The following UQCRC1 variants were observed in gnomAD, a reference collection of about 807,000 sequenced individuals.
UQCRC1 encodes cytochrome b-c1 complex subunit 1, mitochondrial.
In UQCRC1, 34 loss-of-function variants were observed where a neutral mutation model predicts 58.0. That is an observed-to-expected ratio of 0.59 (90% CI 0.45 to 0.78). UQCRC1 has a LOEUF of 0.78. Among genes scored for constraint, UQCRC1 ranks in the 30% least tolerant of loss-of-function variants. The probability of loss-of-function intolerance (pLI) is 0.00; values close to 1 mark genes in which losing one functional copy is unlikely to be tolerated. For missense variants in UQCRC1, 610 were observed against 646.0 expected, an observed-to-expected ratio of 0.94 and a Z score of 0.60; for synonymous variants, 276 against 248.8, an observed-to-expected ratio of 1.11 and a Z score of -1.03.
intron 6 of UQCRC1, 54 bp from the exon 7 acceptor site, chr3:48,601,521 G>T: frequency 1.3e-6 from 2 of 1,557,020 alleles, no homozygotes; most frequent in East Asian, 2.3e-5. Flanking sequence ...GGCACAGGGT[G>T]GGGCGATTCA....
At chr3:48,603,873 T>C (rs1045845457) in intron 5 of UQCRC1, 43 of 589,526 alleles carry the variant, frequency 7.3e-5, no homozygotes, top group African/African-American at 5.8e-4. Flanking sequence ...GACAGGCTCA[T>C]AGTCTTCTCT....
At position 48,600,084 on chromosome 3, in the gene UQCRC1, A is replaced by G; in HGVS notation, c.1281T>C (p.Ala427=). The change falls in exon 11 of 13, where the codon GCT becomes GCC. Residue 427 remains alanine, a synonymous_variant. Transcript: ENST00000203407. ...TTACCGCAATCCGGCTTTCCCATTC[A>G]GCCAGGGGGATGCGGCGGCCATAGG... is the stretch of plus-strand genomic sequence containing the variant. ...LLTYGRRIPL[A]EWESRIAEVD... 1.2e-6 allele frequency: 2 copies of G among 1,614,162 alleles called. No homozygotes were observed. Among genetic ancestry groups the G allele is most frequent in the South Asian group, 1.1e-5 (1 of 91,092 alleles).
In UQCRC1 at chr3:48,609,631, C is replaced by T. The variant is rs368027290; in HGVS notation, c.-11G>A. The T allele has an allele frequency of 6.4e-7, 1 of 1,560,180 alleles. No homozygotes were observed. On this transcript the variant is annotated 5_prime_UTR_variant, in exon 1 of 13. Coordinates refer to ENST00000203407, the MANE Select transcript of UQCRC1 (RefSeq NM_003365.3). ...CACGGACGCCGCCATCTTCCAGCTG[C>T]AGTCGGCCCTGTTGCGCCGCGCAAG...
chr3:48,600,732 CAA>C lies in UQCRC1; in HGVS notation c.1073_1074del (p.Phe358CysfsTer3). The C allele has an allele frequency of 6.8e-6, 11 of 1,614,178 alleles. No individual in the cohort carries two copies. The highest frequency in any genetic ancestry group is 9.3e-6 in the Non-Finnish European group (11 of 1,180,046). On this transcript the variant is annotated frameshift_variant, in exon 9 of 13. Coordinates refer to ENST00000203407, the MANE Select transcript of UQCRC1 (RefSeq NM_003365.3). LOFTEE classifies it high-confidence loss of function. ...YAETGLLGAH[F>X]VCDRMKIDDM... ...TCATCGATTTTCATTCGGTCACAGA[CAA>C]AGTGTGCACCCAGCAAGCCCGTCTC...
chr3:48,606,324 T>C (rs1310771106), intron 2 of UQCRC1, among the ~76,000 whole-genome samples: 1 of 152,264 alleles, frequency 6.6e-6, no homozygotes, highest in Non-Finnish European at 1.5e-5. Flanking sequence ...GTATATTTTA[T>C]CACACTAAAT....
Position 48,604,331 on chromosome 3 carries a change from A to G in UQCRC1, c.528T>C (p.Asp176=), listed in dbSNP as rs1041686179. The G allele has an allele frequency of 1.9e-6, 3 of 1,614,058 alleles. No individual in the cohort carries two copies. In the African/African-American group the frequency reaches 4.0e-5, roughly 22 times the overall value. The change falls in exon 5 of 13, where the codon GAT becomes GAC. Residue 176 remains aspartate, a synonymous_variant. Coordinates refer to ENST00000203407, the MANE Select transcript of UQCRC1 (RefSeq NM_003365.3). ...TAAAGACCACATCTCGCATAGATGC[A>G]TCATTCTCCTGCATCTCCCGCAGGA... ...DVILREMQEN[D]ASMRDVVFNY...
In UQCRC1 at chr3:48,605,801, G is replaced by A. The variant is rs778473186; in HGVS notation, c.266C>T (p.Ala89Val). ...AGCCAGATGCTCCAAAAAGTAGCCT[G>A]CCCCATTATTCTTCTCAGTCTCAAA... Reference protein sequence around the residue: ...SRFETEKNNGAGYFLEHLAFK... With the variant: ...SRFETEKNNGVGYFLEHLAFK... Residue 89 changes from alanine (A) to valine (V), a missense_variant, in exon 3 of 13, where the codon GCA (alanine) becomes GTA (valine). Coordinates refer to ENST00000203407, the MANE Select transcript of UQCRC1 (RefSeq NM_003365.3). The A allele has an allele frequency of 7.4e-6, 12 of 1,613,620 alleles. No individual in the cohort carries two copies. In the South Asian group the frequency reaches 1.3e-4, roughly 18 times the overall value.
At chr3:48,608,219 C>T (rs142805981) in intron 2 of UQCRC1, among the ~76,000 whole-genome samples, 39 of 152,328 alleles carry the variant, frequency 2.6e-4, no homozygotes, top group Admixed American at 2.5e-3. Context: ...TTTTTTAGCT[C>T]CCACTGATAA....
chr3:48,603,984 C>A, intron 5 of UQCRC1: 1 of 592,788 alleles, frequency 1.7e-6, no homozygotes, highest in South Asian at 2.1e-5. Context: ...AGGGGACACC[C>A]AGACACTTCG....
intron 4 of UQCRC1, 57 bp from the exon 5 acceptor site, chr3:48,604,488 G>T (rs2046394028): frequency 6.3e-7 from 1 of 1,597,466 alleles, no homozygotes; most frequent in Non-Finnish European, 8.6e-7. Flanking sequence ...ACCAACGACA[G>T]CACAAAATCC....
chr3:48,604,107 C>T (rs1381282763), intron 5 of UQCRC1, 126 bp downstream of exon 5: 1 of 1,007,994 alleles, frequency 9.9e-7, no homozygotes, highest in Non-Finnish European at 1.5e-6. Flanking sequence ...GATACAGAAA[C>T]TGTCTCCAGT....
At position 48,600,739 on chromosome 3, in the gene UQCRC1, T is replaced by C. The variant is rs1273079927; in HGVS notation, c.1068A>G (p.Ala356=). ...TTTTCATTCGGTCACAGACAAAGTGTGCACCCAGCAAGCCCGTCTCTGCAT... is the reference window on the plus strand; with the variant it reads ...TTTTCATTCGGTCACAGACAAAGTGCGCACCCAGCAAGCCCGTCTCTGCAT... The part of the protein sequence containing the change: ...ICYAETGLLG[A]HFVCDRMKID... Residue 356 remains alanine (A), a synonymous_variant, in exon 9 of 13, where the codon GCA becomes GCG. Transcript: ENST00000203407. 1.2e-6 allele frequency: 2 copies of C among 1,614,154 alleles called. No homozygotes were observed. Among genetic ancestry groups the C allele is most frequent in the African/African-American group, 1.3e-5 (1 of 75,050 alleles).
At chr3:48,602,208 G>A (rs1303492572) in intron 6 of UQCRC1, among the ~76,000 whole-genome samples, 1 of 152,068 alleles carries the variant, frequency 6.6e-6, no homozygotes, top group Middle Eastern at 3.2e-3. Context: ...CCGCCACCAC[G>A]CCTGGCTAAT....
rs1333552341 is a variant in UQCRC1 at position 48,604,668 on chromosome 3, G to C, written c.410C>G (p.Ser137Cys). ...GGTGTTACCTTTCGGCAGATCCTTGGACAGCGCCTTGATGTAGTAAGCTGT... is the reference window on the plus strand; with the variant it reads ...GGTGTTACCTTTCGGCAGATCCTTGCACAGCGCCTTGATGTAGTAAGCTGT... ...EHTAYYIKAL[S>C]KDLPKAVELL... is the part of the protein sequence containing the mutation. The change falls in exon 4 of 13, where the codon TCC becomes TGC. Residue 137 changes from serine to cysteine, a missense_variant. Ser to Cys is a moderately radical substitution (Grantham distance 112). Transcript: ENST00000203407. 6.2e-7 allele frequency: 1 copy of C among 1,614,142 alleles called. No individual in the cohort carries two copies. Among genetic ancestry groups the C allele is most frequent in the East Asian group, 2.2e-5 (1 of 44,880 alleles).
rs1253801916 is a variant in UQCRC1 at position 48,604,126 on chromosome 3, T to C, written c.626+107A>G. ...CAGAAACTGTCTCCAGTTGCATAAC[T>C]CAGGAAAATAACCCCGACAGCTAGC... On this transcript the variant is annotated intron_variant, in intron 5 of 12. Transcript: ENST00000203407. The C allele has an allele frequency of 2.4e-6, 3 of 1,244,704 alleles. No individual in the cohort carries two copies. In the African/African-American group the frequency reaches 4.5e-5, roughly 19 times the overall value. 77.1% of individuals were successfully genotyped at this position (1,244,704 alleles called of 1,614,324 possible). A position where few individuals can be genotyped will look rare whatever the true frequency, so the allele number is the denominator to read the frequency against.
At chr3:48,599,532 C>T in intron 12 of UQCRC1, 103 bp downstream of exon 12, 1 of 1,326,006 alleles carries the variant, frequency 7.5e-7, no homozygotes. Flanking sequence ...CCTTAACTGG[C>T]TGCTCTGTAA....
chr3:48,603,388 G>A (rs1299949252), intron 6 of UQCRC1, among the ~76,000 whole-genome samples, 176 bp downstream of exon 6: 1 of 152,172 alleles, frequency 6.6e-6, no homozygotes, highest in African/African-American at 2.4e-5. Context: ...GGTGGCGGCA[G>A]GGTAGAATCC....
intron 2 of UQCRC1, 109 bp downstream of exon 2, chr3:48,609,053 G>T: frequency 2.7e-6 from 4 of 1,479,300 alleles, no homozygotes; most frequent in Non-Finnish European, 3.6e-6. Flanking sequence ...TCCTGGGTCC[G>T]AACCCAAACC....
At chr3:48,601,187 G>A in intron 7 of UQCRC1, 69 bp from the exon 8 acceptor site, 1 of 1,557,940 alleles carries the variant, frequency 6.4e-7, no homozygotes. Flanking sequence ...TGGCAGGTGT[G>A]GGTAGAGGGT....
Sources: allele counts gnomAD v4.1 joint callset (sites outside exome capture counted in the v4.1 genomes callset), GRCh38; gene constraint gnomAD v4.1.1; transcripts MANE v1.5; gene names NCBI Gene and HGNC (gene_info 2026-07-23, HGNC 2026-07-21).